Variants in PAPOLG observed in about 807,000 individuals in gnomAD.
PAPOLG encodes PAP-gamma.
In PAPOLG, 40 loss-of-function variants were observed where a neutral mutation model predicts 99.0. The ratio of observed to expected loss-of-function variants is 0.40; its 90% CI spans 0.31 to 0.53. The LOEUF (loss-of-function observed/expected upper bound fraction) is 0.53, where lower values mean the gene tolerates loss of function less well. Ranked by LOEUF, PAPOLG falls within the 20% of genes least tolerant of loss-of-function variation. The pLI is 0.41. For synonymous variants in PAPOLG, 310 were observed against 299.3 expected (o/e 1.04, Z -0.37); for missense variants, 675 against 884.1 (o/e 0.76, Z 3.00).
At chr2:60,765,192 C>A (rs992239427) in intron 3 of PAPOLG, among the ~76,000 whole-genome samples, 2 of 151,692 alleles carry the variant, frequency 1.3e-5, no homozygotes, top group African/African-American at 4.8e-5. Flanking sequence ...CCCCAGCCCC[C>A]CAAGTAGCAG....
intron 1 of PAPOLG, 45 bp from the exon 2 acceptor site, chr2:60,760,089 T>C: frequency 6.4e-7 from 1 of 1,573,698 alleles, no homozygotes; most frequent in Non-Finnish European, 8.7e-7. Flanking sequence ...CAGTATGGTA[T>C]ATACTTTAAA....
At chr2:60,789,826 A>G (rs1187871891) in intron 15 of PAPOLG, among the ~76,000 whole-genome samples, 1 of 152,196 alleles carries the variant, frequency 6.6e-6, no homozygotes, top group Non-Finnish European at 1.5e-5. Flanking sequence ...GTGGTGGCTC[A>G]CGCCTGTAAT....
rs565104034 is a variant in PAPOLG at position 60,797,147 on chromosome 2, C to A, written c.2198C>A (p.Thr733Asn). Residue 733 changes from threonine to asparagine, a missense_variant, in exon 22 of 22, where the codon ACC (threonine) becomes AAC (asparagine). This residue lies in a region of PAPOLG where 413 missense variants were observed against 460.5 expected (regional missense o/e 0.90). Transcript: ENST00000238714. Reference protein sequence around the residue: ...IRVIKNSIRLTLNR With the variant: ...IRVIKNSIRLNLNR ...GTCATCAAAAATTCCATTCGACTGACCCTTAATCGGTAAAAGCAGTGCCTC... is the reference window on the plus strand; with the variant it reads ...GTCATCAAAAATTCCATTCGACTGAACCTTAATCGGTAAAAGCAGTGCCTC... 1 of 1,614,102 alleles carries A rather than the reference C, an allele frequency of 6.2e-7. No individual in the cohort carries two copies. The highest frequency in any genetic ancestry group is 1.3e-5 in the African/African-American group (1 of 75,046).
At chr2:60,788,066 G>A (rs1205573631) in intron 15 of PAPOLG, among the ~76,000 whole-genome samples, 1 of 151,506 alleles carries the variant, frequency 6.6e-6, no homozygotes, top group South Asian at 2.1e-4. Flanking sequence ...AAAAAAAAAA[G>A]CATTATGAAG....
rs1020990564 is a variant in PAPOLG at position 60,797,495 on chromosome 2, T to A, written c.*335T>A. On this transcript the variant is annotated 3_prime_UTR_variant, in exon 22 of 22. Transcript: ENST00000238714. Reference sequence around the variant, plus strand: ...TAGCCACTTGGACACTGATAACAAGTCCTGAACTCCTTTTTTGTTTTGTTT... The same window carrying A: ...TAGCCACTTGGACACTGATAACAAGACCTGAACTCCTTTTTTGTTTTGTTT... 4.4e-6 allele frequency: 1 copy of A among 228,654 alleles called. No individual in the cohort carries two copies. The highest frequency in any genetic ancestry group is 2.3e-5 in the African/African-American group (1 of 43,858). 14.2% of individuals were successfully genotyped at this position (228,654 alleles called of 1,614,324 possible).
intron 5 of PAPOLG, 75 bp downstream of exon 5, chr2:60,768,965 TA>T: frequency 9.1e-7 from 1 of 1,097,558 alleles, no homozygotes; most frequent in Non-Finnish European, 1.3e-6. Flanking sequence ...GGCTTAAAAC[TA>T]TTGAAATACC....
At position 60,768,797 on chromosome 2, in the gene PAPOLG, A is replaced by G. The variant is rs758456097; in HGVS notation, c.345A>G (p.Ala115=). 1.3e-6 allele frequency: 2 copies of G among 1,579,116 alleles called. No individual in the cohort carries two copies. Among genetic ancestry groups the G allele is most frequent in the South Asian group, 1.2e-5 (1 of 85,424 alleles). The change falls in exon 5 of 22, where the codon GCA becomes GCG. Residue 115 remains alanine, a synonymous_variant. Transcript: ENST00000238714. ...GVHTKGADID[A]LCVAPRHVER... Reference sequence around the variant, plus strand: ...AATTTACAGGAGCTGACATTGATGCACTTTGTGTAGCTCCAAGACATGTGG... The same window carrying G: ...AATTTACAGGAGCTGACATTGATGCGCTTTGTGTAGCTCCAAGACATGTGG...
Position 60,792,367 on chromosome 2 carries a change from C to T in PAPOLG, c.1679+78C>T, listed in dbSNP as rs1302683844. 2.2e-5 allele frequency: 28 copies of T among 1,251,878 alleles called. No homozygotes were observed. The East Asian group carries it at 5.0e-4, about 23-fold the overall frequency. The allele number at this position is 1,251,878 out of a possible 1,614,324, so 77.5% of individuals were successfully genotyped here. Reference sequence around the variant, plus strand: ...GGATAATGTGAACTTTTCTATACCTCTGCTACTGCCTTTTAAAATTGTTAA... The same window carrying T: ...GGATAATGTGAACTTTTCTATACCTTTGCTACTGCCTTTTAAAATTGTTAA... On this transcript the variant is annotated intron_variant, in intron 17 of 21. Coordinates refer to ENST00000238714, the MANE Select transcript of PAPOLG (RefSeq NM_022894.4).
chr2:60,787,442 T>C, intron 14 of PAPOLG, 69 bp from the exon 15 acceptor site: 2 of 1,502,786 alleles, frequency 1.3e-6, no homozygotes, highest in South Asian at 1.3e-5. Flanking sequence ...GTTTTAATTA[T>C]GAAATAGCAT....
In PAPOLG at chr2:60,779,677, T is replaced by C; in HGVS notation, c.735T>C (p.Gly245=). Residue 245 remains glycine, a synonymous_variant, in exon 9 of 22, where the codon GGT becomes GGC. Transcript: ENST00000238714. ...IYSNMLGFLG[G]VSWAMLVART... is the part of the protein sequence containing the mutation. ...CCAACATGCTAGGATTCCTTGGTGGTGTCTCCTGGGCAATGCTAGTTGCAA... is the reference window on the plus strand; with the variant it reads ...CCAACATGCTAGGATTCCTTGGTGGCGTCTCCTGGGCAATGCTAGTTGCAA... 1 of 1,613,406 alleles carries C rather than the reference T, an allele frequency of 6.2e-7. No individual in the cohort carries two copies. Among genetic ancestry groups the C allele is most frequent in the Non-Finnish European group, 8.5e-7 (1 of 1,179,406 alleles).
chr2:60,769,800 C>T (rs753082860), intron 5 of PAPOLG, among the ~76,000 whole-genome samples: 3 of 152,044 alleles, frequency 2.0e-5, no homozygotes, highest in African/African-American at 4.8e-5. Flanking sequence ...ATGTGCAGAA[C>T]GTGCAGGTTT....
chr2:60,767,209 CTG>C (rs1350292136), intron 3 of PAPOLG, among the ~76,000 whole-genome samples: 20 of 152,208 alleles, frequency 1.3e-4, no homozygotes, highest in Admixed American at 1.3e-3. Flanking sequence ...CAATATCTGA[CTG>C]TTATCATTGG....
chr2:60,773,246 A>G (rs112864086), intron 7 of PAPOLG, among the ~76,000 whole-genome samples: 247 of 152,296 alleles, frequency 1.6e-3, no homozygotes, highest in African/African-American at 5.7e-3. Flanking sequence ...TTAGTACACT[A>G]CAATCCAATG....
At chr2:60,794,837 TGCCATATTAGAAAG>T (rs1356283805) in intron 20 of PAPOLG, 62 bp downstream of exon 20, 21 of 1,540,178 alleles carry the variant, frequency 1.4e-5, no homozygotes, top group Non-Finnish European at 1.7e-5. Context: ...TCAGGAAAAG[TGCCATATTAGAAAG>T]TAGGTCAGAT....
intron 13 of PAPOLG, among the ~76,000 whole-genome samples, chr2:60,785,896 C>T (rs1376878338): frequency 6.6e-6 from 1 of 152,016 alleles, no homozygotes; most frequent in Non-Finnish European, 1.5e-5. Flanking sequence ...ACTAGATAAA[C>T]CAGCAGTTTT....
At chr2:60,796,056 C>T (rs1487204183) in intron 21 of PAPOLG, among the ~76,000 whole-genome samples, 1 of 152,024 alleles carries the variant, frequency 6.6e-6, no homozygotes, top group African/African-American at 2.4e-5. Context: ...CTGGTGTCTA[C>T]TTCTTTGTAT....
At chr2:60,793,310 ACTTTGGGAGGCTGAGGCAGG>A (rs2103825653) in intron 17 of PAPOLG, among the ~76,000 whole-genome samples, 1 of 149,546 alleles carries the variant, frequency 6.7e-6, no homozygotes, top group Non-Finnish European at 1.5e-5. Flanking sequence ...TAATTTCAGC[ACTTTGGGAGGCTGAGGCAGG>A]AGGATTGCTT....
rs1246180653 is a variant in PAPOLG at position 60,797,808 on chromosome 2, A to G, written c.*648A>G. 6.5e-6 allele frequency: 1 copy of G among 152,798 alleles called. No individual in the cohort carries two copies. The highest frequency in any genetic ancestry group is 1.5e-5 in the Non-Finnish European group (1 of 68,052). 9.5% of individuals were successfully genotyped at this position (152,798 alleles called of 1,614,324 possible). On this transcript the variant is annotated 3_prime_UTR_variant, in exon 22 of 22. Transcript: ENST00000238714. ...TCTGTCCAAATGTTGCATAGTTACC[A>G]GGGAAGATTAGTCCAGTGATTACAT...
At chr2:60,772,917 T>C (rs985125883) in intron 7 of PAPOLG, among the ~76,000 whole-genome samples, 25 of 151,210 alleles carry the variant, frequency 1.7e-4, no homozygotes, top group Non-Finnish European at 1.9e-4. Context: ...CACTGGTCTT[T>C]TTCTTTTCTT....
Sources: gnomAD v4.1 joint callset for allele counts (sites outside exome capture counted in the v4.1 genomes callset) on GRCh38, gnomAD v4.1.1 for gene constraint, gnomAD v4.1.1 regional missense constraint, MANE v1.5 for transcripts, NCBI Gene and HGNC (gene_info 2026-07-23, HGNC 2026-07-21) for gene names.